The following UBR2 variants were observed in gnomAD, a reference collection of about 807,000 sequenced individuals.
The protein encoded by UBR2 is E3 ubiquitin-protein ligase UBR2.
In UBR2, 92 loss-of-function variants were observed where a neutral mutation model predicts 247.9. The observed-to-expected ratio is 0.37, with a 90% CI of 0.31 to 0.44. UBR2 has a LOEUF of 0.44. UBR2 is among the 20% of genes least tolerant of loss of function. The pLI, the probability that UBR2 is intolerant of heterozygous loss-of-function variation, is 1.00. For missense variants in UBR2, 1,613 were observed against 2,112.6 expected (o/e 0.76, Z 4.64); for synonymous variants, 672 against 693.5 (o/e 0.97, Z 0.49).
intron 42 of UBR2, 77 bp from the exon 43 acceptor site, chr6:42,682,978 G>A (rs538944423): frequency 1.7e-6 from 2 of 1,207,592 alleles, no homozygotes; most frequent in Non-Finnish European, 2.4e-6. Context: ...TCCTCTTATT[G>A]GCTATGGAGG....
chr6:42,688,469 C>T (rs572984023), intron 45 of UBR2, 83 bp downstream of exon 45: 1 of 1,512,374 alleles, frequency 6.6e-7, no homozygotes, highest in African/African-American at 1.4e-5. Flanking sequence ...ACTATATTGC[C>T]AGGAATTTTG....
At chr6:42,590,449 C>T (rs1792584009) in intron 2 of UBR2, among the ~76,000 whole-genome samples, 1 of 152,108 alleles carries the variant, frequency 6.6e-6, no homozygotes, top group Non-Finnish European at 1.5e-5. Flanking sequence ...ATTTAAACAT[C>T]CACAAGTATT....
chr6:42,688,487 T>G, intron 45 of UBR2, 101 bp downstream of exon 45: 1 of 1,360,288 alleles, frequency 7.4e-7, no homozygotes, highest in Non-Finnish European at 1.0e-6. Flanking sequence ...TTGAGACTAC[T>G]GTTCCGTGTG....
At position 42,658,366 on chromosome 6, in the gene UBR2, T is replaced by A. The variant is rs183313607; in HGVS notation, c.3063+46T>A. The A allele has an allele frequency of 9.8e-6, 15 of 1,535,796 alleles. No homozygotes were observed. The East Asian group carries it at 3.4e-4, about 35-fold the overall frequency. ...GATAATACTAAAAAATTACAGCAAG[T>A]TCAGTATGAACAAAATAAATTTATC... On this transcript the variant is annotated intron_variant, in intron 28 of 46. Coordinates refer to ENST00000372901, the MANE Select transcript of UBR2 (RefSeq NM_001363705.2).
chr6:42,564,144 T>C lies in UBR2; in HGVS notation c.-176T>C. The C allele has an allele frequency of 3.0e-6, 2 of 672,856 alleles. No individual in the cohort carries two copies. The highest frequency in any genetic ancestry group is 2.4e-6 in the Non-Finnish European group (1 of 410,030). The allele number at this position is 672,856 out of a possible 1,614,324, so 41.7% of individuals were successfully genotyped here. Reference sequence around the variant, plus strand: ...CTTGGGAGGGAGCGCAGGAGGCCGCTGTCCTTCCTTTCCGGTTCACGTCAC... The same window carrying C: ...CTTGGGAGGGAGCGCAGGAGGCCGCCGTCCTTCCTTTCCGGTTCACGTCAC... On this transcript the variant is annotated 5_prime_UTR_variant, in exon 1 of 47. Coordinates refer to ENST00000372901, the MANE Select transcript of UBR2 (RefSeq NM_001363705.2).
At chr6:42,632,069 A>ATATATATATATATATATATAT (rs1554254887) in intron 11 of UBR2, among the ~76,000 whole-genome samples, 3 of 114,076 alleles carry the variant, frequency 2.6e-5, no homozygotes, top group African/African-American at 6.8e-5. Flanking sequence ...AAAAAAAAAA[A>ATATATATATATATATATATAT]ATATATATAT....
chr6:42,643,179 AC>A (rs1264147211), intron 18 of UBR2, among the ~76,000 whole-genome samples: 1 of 151,586 alleles, frequency 6.6e-6, no homozygotes, highest in Non-Finnish European at 1.5e-5. Flanking sequence ...TCAGCACCCT[AC>A]CCCCACCCCA....
At chr6:42,635,277 G>A (rs182755609) in intron 13 of UBR2, 141 bp from the exon 14 acceptor site, 190 of 723,690 alleles carry the variant, frequency 2.6e-4, no homozygotes, top group African/African-American at 2.5e-3. Context: ...ATTTCTCATA[G>A]TACTTGAAGT....
In UBR2 at chr6:42,594,324, G is replaced by A. The variant is rs1325021723; in HGVS notation, c.531+20G>A. On this transcript the variant is annotated intron_variant, in intron 4 of 46. Coordinates refer to ENST00000372901, the MANE Select transcript of UBR2 (RefSeq NM_001363705.2). ...GAAGAGGTAAAAACATTTTCACAAA[G>A]TTGTTTTTAACCCAAGTTTGAAATA... 1 of 1,583,630 alleles carries A rather than the reference G, an allele frequency of 6.3e-7. No individual in the cohort carries two copies.
At position 42,642,753 on chromosome 6, in the gene UBR2, C is replaced by T. The variant is rs1410985707; in HGVS notation, c.2097+272C>T. 2.0e-5 allele frequency among the ~76,000 whole-genome samples: 3 copies of T among 152,180 alleles called. No individual in the cohort carries two copies. In the East Asian group the frequency reaches 5.8e-4, roughly 29 times the overall value. On this transcript the variant is annotated intron_variant, in intron 18 of 46. Transcript: ENST00000372901. ...ACTTCCCTACCTTGGTGAATTGTTC[C>T]ACAGTCTACCTAGTTGCTAAAGTCA...
intron 10 of UBR2, 105 bp downstream of exon 10, chr6:42,616,195 T>C (rs1227896726): frequency 3.1e-6 from 2 of 635,960 alleles, no homozygotes; most frequent in Admixed American, 3.3e-5. Context: ...TATGTCAATG[T>C]GTTGATATTA....
At chr6:42,666,124 T>C (rs756062266) in intron 33 of UBR2, 43 bp from the exon 34 acceptor site, 4 of 1,517,424 alleles carry the variant, frequency 2.6e-6, no homozygotes, top group Non-Finnish European at 3.6e-6. Context: ...TTTAGGAATA[T>C]TGTCATCTAT....
intron 9 of UBR2, among the ~76,000 whole-genome samples, 175 bp downstream of exon 9, chr6:42,615,353 A>T (rs925335648): frequency 1.2e-4 from 19 of 152,236 alleles, no homozygotes; most frequent in African/African-American, 4.1e-4. Flanking sequence ...CCATGATCCA[A>T]CTTAAATGGA....
rs1373687707 is a variant in UBR2, at chr6:42,648,184, C to A, written c.2462+14C>A. On this transcript the variant is annotated intron_variant, in intron 22 of 46. Transcript: ENST00000372901. ...TGCCCATTTCAAGTGAGTTTACTTC[C>A]TATTATTTCACATTCTTTTTTACTT... 1 of 1,608,970 alleles carries A rather than the reference C, an allele frequency of 6.2e-7. No individual in the cohort carries two copies.
chr6:42,666,264 T>C lies in UBR2; in HGVS notation c.3881+19T>C, dbSNP rs955899934. On this transcript the variant is annotated intron_variant, in intron 34 of 46. Transcript: ENST00000372901. ...GTCCTAAGTGAGTATATTATTTTACTCCTTTAATATTTGACCCATTTGAAA... is the reference window on the plus strand; with the variant it reads ...GTCCTAAGTGAGTATATTATTTTACCCCTTTAATATTTGACCCATTTGAAA... 5 of 1,581,180 alleles carry C rather than the reference T, an allele frequency of 3.2e-6. No homozygotes were observed. The African/African-American group carries it at 5.4e-5, about 17-fold the overall frequency.
chr6:42,671,518 C>G (rs1044937617), intron 36 of UBR2, among the ~76,000 whole-genome samples: 1 of 152,184 alleles, frequency 6.6e-6, no homozygotes, highest in Non-Finnish European at 1.5e-5. Flanking sequence ...ACTTCTAACA[C>G]TTTCTGACTT....
intron 38 of UBR2, 48 bp downstream of exon 38, chr6:42,674,241 T>C (rs780442866): frequency 6.3e-7 from 1 of 1,580,256 alleles, no homozygotes; most frequent in African/African-American, 1.3e-5. Context: ...ACTATGTAAC[T>C]TTACCTTAGG....
Position 42,689,548 on chromosome 6 carries a change from G to C in UBR2, c.5025-21G>C. ...GGTTACTAATGTGTAAATGTGTAAC[G>C]TATGACTGATCTCTCTACAGAGTAC... On this transcript the variant is annotated intron_variant, in intron 45 of 46. Coordinates refer to ENST00000372901, the MANE Select transcript of UBR2 (RefSeq NM_001363705.2). The surrounding 1 kb of genome is among the most constrained non-coding windows in gnomAD (Gnocchi z 4.0). The C allele has an allele frequency of 6.2e-7, 1 of 1,607,036 alleles. No individual in the cohort carries two copies.
rs1161068427 is a variant in UBR2, at chr6:42,667,587, C to CTTTTTTT, written c.3881+1360_3881+1366dup. Among the ~76,000 whole-genome samples, 189 of 47,414 alleles carry CTTTTTTT rather than the reference C, an allele frequency of 4.0e-3. 2 individuals carry two copies. Among genetic ancestry groups the CTTTTTTT allele is most frequent in the African/African-American group, 4.4e-3 (49 of 11,072 alleles). The allele number at this position is 47,414 out of a possible 152,430, so 31.1% of individuals were successfully genotyped here. A position where few individuals can be genotyped will look rare whatever the true frequency, so the allele number is the denominator to read the frequency against. On this transcript the variant is annotated intron_variant, in intron 34 of 46. Transcript: ENST00000372901. ...TATTTCCTTTCTTGTACAGTTTTGT[C>CTTTTTTT]TTTTTTTTTTTTTTTTTTTTTTTTG...
Sources: gnomAD v4.1 joint callset for allele counts (sites outside exome capture counted in the v4.1 genomes callset) on GRCh38, gnomAD v4.1.1 for gene constraint, Gnocchi (gnomAD v3.1) non-coding constraint, MANE v1.5 for transcripts, NCBI Gene and HGNC (gene_info 2026-07-23, HGNC 2026-07-21) for gene names.